MAP3K15: variants seen among roughly 807,000 people sequenced by gnomAD.
MAP3K15 encodes the protein MAPK/ERK kinase kinase 15.
A neutral mutation model predicts 99.5 loss-of-function variants in MAP3K15; 124 were observed. That is an observed-to-expected ratio of 1.25 (90% CI 1.08 to 1.45). The LOEUF is 1.45. MAP3K15 is among the 40% of genes most tolerant of loss of function. The probability of loss-of-function intolerance (pLI) is 0.00; values close to 1 mark genes in which losing one functional copy is unlikely to be tolerated. For synonymous variants in MAP3K15, 494 were observed against 439.6 expected, an observed-to-expected ratio of 1.12 and a Z score of -1.55; for missense variants, 1,242 against 1,079.7, an observed-to-expected ratio of 1.15 and a Z score of -2.11.
chrX:19,404,732 C>T lies in MAP3K15; in HGVS notation c.1844+2456G>A, dbSNP rs192711694. ...GGTCAACTGATTTCCAAAAAGAGTA[C>T]CAAGACCACTCAATCAGGGAAAGAA... On this transcript the variant is annotated intron_variant, in intron 13 of 28. Coordinates refer to ENST00000338883, the MANE Select transcript of MAP3K15 (RefSeq NM_001001671.4). Among the ~76,000 whole-genome samples, 432 of 111,644 alleles carry T rather than the reference C, an allele frequency of 3.9e-3. 3 individuals are homozygous for T. The highest frequency in any genetic ancestry group is 0.013 in the African/African-American group (404 of 30,803).
intron 1 of MAP3K15, among the ~76,000 whole-genome samples, chrX:19,513,981 C>A (rs1029481476): frequency 1.8e-5 from 2 of 111,106 alleles, no homozygotes; most frequent in Non-Finnish European, 3.8e-5. Context: ...AAAGGTGCCC[C>A]CTAACCCGTG....
chrX:19,362,905 C>T (rs924771045), intron 25 of MAP3K15, 55 bp from the exon 26 acceptor site: 4 of 639,945 alleles, frequency 6.3e-6, no homozygotes, highest in Non-Finnish European at 7.3e-6. Flanking sequence ...CAACACCATT[C>T]AATTTAACTC....
intron 18 of MAP3K15, among the ~76,000 whole-genome samples, chrX:19,381,271 C>A (rs902788285): frequency 9.1e-6 from 1 of 110,418 alleles, no homozygotes; most frequent in Admixed American, 9.6e-5. Context: ...GTGGGCAGGG[C>A]CGGCTGCGGA....
Position 19,362,774 on chromosome X carries a change from C to A in MAP3K15, c.3643G>T (p.Glu1215Ter). 8.4e-7 allele frequency: 1 copy of A among 1,186,859 alleles called. No individual in the cohort carries two copies. The highest frequency in any genetic ancestry group is 3.0e-5 in the East Asian group (1 of 33,255). The change falls in exon 26 of 29, where the codon GAA becomes TAA. Residue 1215 changes from glutamate (E) to a stop codon, truncating the protein, a stop_gained. Transcript: ENST00000338883. LOFTEE classifies it high-confidence loss of function. ...AATTTTAACTGAAGGTGATACAATTCTTGAGTTTTCTGTTCTAGAGTTTGC... is the reference window on the plus strand; with the variant it reads ...AATTTTAACTGAAGGTGATACAATTATTGAGTTTTCTGTTCTAGAGTTTGC... The part of the protein sequence containing the change: ...LRQTLEQKTQ[E>*]LYHLQLKLKS...
rs753940642 is a variant in MAP3K15, at chrX:19,363,342, G to A, written c.3567-492C>T. On this transcript the variant is annotated intron_variant, in intron 25 of 28. Transcript: ENST00000338883. ...GCCCTCACTGGCCACGGAATCTGCT[G>A]GCACCTCGATCTTGGACTTCGAGTC... Among the ~76,000 whole-genome samples, 5 of 112,168 alleles carry A rather than the reference G, an allele frequency of 4.5e-5. 1 individual carries two copies. The East Asian group carries it at 1.1e-3, about 25-fold the overall frequency.
chrX:19,400,507 TG>T, intron 14 of MAP3K15, 68 bp downstream of exon 14: 1 of 793,894 alleles, frequency 1.3e-6, no homozygotes, highest in Non-Finnish European at 1.9e-6. Flanking sequence ...TATAGAAAGA[TG>T]GGACATTTTC....
chrX:19,367,619 C>T (rs1220433787), intron 25 of MAP3K15, among the ~76,000 whole-genome samples: 2 of 108,314 alleles, frequency 1.8e-5, no homozygotes, highest in African/African-American at 6.7e-5. Context: ...ACGTAACTGG[C>T]CCCTTGTCTC....
intron 3 of MAP3K15, among the ~76,000 whole-genome samples, chrX:19,471,570 C>G (rs2064208108): frequency 9.0e-6 from 1 of 110,983 alleles, no homozygotes; most frequent in African/African-American, 3.3e-5. Flanking sequence ...CCCCAGATAT[C>G]ATTTTTTAAA....
chrX:19,403,951 TA>T (rs1191704578), intron 13 of MAP3K15, among the ~76,000 whole-genome samples: 1 of 111,987 alleles, frequency 8.9e-6, no homozygotes, highest in African/African-American at 3.2e-5. Flanking sequence ...TCTTTCTTCT[TA>T]AAAACAGGAA....
intron 9 of MAP3K15, among the ~76,000 whole-genome samples, chrX:19,417,630 G>A (rs1323513924): frequency 8.9e-6 from 1 of 112,092 alleles, no homozygotes; most frequent in Non-Finnish European, 1.9e-5. Flanking sequence ...GGCACAGCCA[G>A]ACAAAAGGCA....
intron 24 of MAP3K15, among the ~76,000 whole-genome samples, chrX:19,370,521 G>A (rs1339009351): frequency 1.8e-5 from 2 of 110,984 alleles, no homozygotes; most frequent in African/African-American, 6.6e-5. Context: ...TCAGCCTCCC[G>A]AGTAGCTGGG....
chrX:19,377,004 G>A (rs1242249549), intron 19 of MAP3K15: 1 of 111,931 alleles, frequency 8.9e-6, no homozygotes, highest in Non-Finnish European at 1.9e-5. Flanking sequence ...TCCAAAGAAG[G>A]TCACATTCTG....
At chrX:19,479,224 C>T (rs768554298) in intron 3 of MAP3K15, among the ~76,000 whole-genome samples, 1 of 111,740 alleles carries the variant, frequency 8.9e-6, no homozygotes, top group Admixed American at 9.5e-5. Flanking sequence ...TAGGAAGCAG[C>T]CCCTTACTGT....
chrX:19,373,569 C>T lies in MAP3K15; in HGVS notation c.2900G>A (p.Arg967Gln), dbSNP rs747844089. The T allele has an allele frequency of 5.1e-6, 6 of 1,174,921 alleles. No individual in the cohort carries two copies. Among genetic ancestry groups the T allele is most frequent in the Non-Finnish European group, 5.7e-6 (5 of 876,932 alleles). Residue 967 changes from arginine (R) to glutamine (Q), a missense_variant, in exon 21 of 29, where the codon CGG (arginine) becomes CAG (glutamine). By Grantham distance (43) the Arg-to-Gln change is conservative. Coordinates refer to ENST00000338883, the MANE Select transcript of MAP3K15 (RefSeq NM_001001671.4). ...GTGGCCAAGGTGGTGCCTGGGCGCCCGGGTCCTCTCAAAGAGTGCGTCAGG... is the reference window on the plus strand; with the variant it reads ...GTGGCCAAGGTGGTGCCTGGGCGCCTGGGTCCTCTCAAAGAGTGCGTCAGG... ...AQPDALFERT[R>Q]APRHHLGHLL... is the part of the protein sequence containing the mutation.
At chrX:19,410,086 T>C in intron 11 of MAP3K15, 113 bp from the exon 12 acceptor site, 1 of 561,272 alleles carries the variant, frequency 1.8e-6, no homozygotes. Flanking sequence ...GTGGTGATTT[T>C]TTTACGGGTT....
At position 19,371,080 on chromosome X, in the gene MAP3K15, ATAAT is replaced by A; in HGVS notation, c.3295-20_3295-17del. The A allele has an allele frequency of 1.9e-6, 2 of 1,037,849 alleles. No homozygotes were observed. The highest frequency in any genetic ancestry group is 2.6e-6 in the Non-Finnish European group (2 of 778,121). 85.5% of individuals were successfully genotyped at this position (1,037,849 alleles called of 1,213,427 possible). ...TTTTATTTACCTAAAAAAAAAAAAA[ATAAT>A]AAAATAAACTAAAATCACAAAAATC... is the stretch of plus-strand genomic sequence containing the variant. On this transcript the variant is annotated splice_polypyrimidine_tract_variant and intron_variant, in intron 23 of 28. Coordinates refer to ENST00000338883, the MANE Select transcript of MAP3K15 (RefSeq NM_001001671.4).
intron 6 of MAP3K15, among the ~76,000 whole-genome samples, chrX:19,444,869 C>T (rs1163158965): frequency 1.8e-5 from 2 of 111,241 alleles, no homozygotes; most frequent in Non-Finnish European, 3.8e-5. Context: ...CACTGCCACT[C>T]ACCTGTAGGC....
chrX:19,490,190 T>C (rs868505409), intron 1 of MAP3K15, among the ~76,000 whole-genome samples: 13 of 93,826 alleles, frequency 1.4e-4, no homozygotes, highest in South Asian at 4.8e-4. Context: ...CACACATACA[T>C]ACAAAAATTC....
At chrX:19,407,664 T>A (rs922441362) in intron 12 of MAP3K15, among the ~76,000 whole-genome samples, 10 of 112,456 alleles carry the variant, frequency 8.9e-5, no homozygotes, top group African/African-American at 3.2e-4. Context: ...ATTTCTAGAT[T>A]CGGAAAGTAT....
Sources: allele counts gnomAD v4.1 joint callset (sites outside exome capture counted in the v4.1 genomes callset), GRCh38; gene constraint gnomAD v4.1.1; transcripts MANE v1.5; gene names NCBI Gene and HGNC (gene_info 2026-07-23, HGNC 2026-07-21).